Variants in EARS2 observed in about 807,000 individuals in gnomAD.
The protein encoded by EARS2 is glutamyl-tRNA synthetase 2, mitochondrial, also known as nondiscriminating glutamyl-tRNA synthetase EARS2, mitochondrial.
Under a neutral mutation model 54.1 loss-of-function variants are expected in EARS2, and 50 were observed. The ratio of observed to expected loss-of-function variants is 0.92; its 90% CI spans 0.74 to 1.17. The LOEUF is 1.17. Ranked by LOEUF, EARS2 falls within the 50% of genes most tolerant of loss-of-function variation. The pLI is 0.00. For missense variants in EARS2, 673 were observed against 675.0 expected (o/e 1.00, Z 0.03); for synonymous variants, 298 against 281.0 (o/e 1.06, Z -0.61).
rs1965710226 is a variant in EARS2 at position 23,552,296 on chromosome 16, G to A, written c.148C>T (p.His50Tyr). ...AAGGCAGTGCGGAGGCCACCCAGGT[G>A]CAAGAAGCCTGGAGAAGAGAACAGC... ...RFAPSPTGFL[H>Y]LGGLRTALYN... The change falls in exon 2 of 9, where the codon CAC becomes TAC. Residue 50 changes from histidine (H) to tyrosine (Y), a missense_variant. Physicochemically the swap from His to Tyr is moderately conservative, Grantham distance 83. This residue lies in a region of EARS2 where 316 missense variants were observed against 275.2 expected (regional missense o/e 1.15). Coordinates refer to ENST00000449606, the MANE Select transcript of EARS2 (RefSeq NM_001083614.2). 6.2e-7 allele frequency: 1 copy of A among 1,614,140 alleles called. No individual in the cohort carries two copies. The highest frequency in any genetic ancestry group is 8.5e-7 in the Non-Finnish European group (1 of 1,179,984).
Position 23,552,066 on chromosome 16 carries a change from G to T in EARS2, c.295+83C>A. ...CCAGGAACTCCCCATTTTCCACTCA[G>T]AACTCCATGAGAAGACCCACAGGCT... On this transcript the variant is annotated intron_variant, in intron 2 of 8. Transcript: ENST00000449606. 7 of 1,528,244 alleles carry T rather than the reference G, an allele frequency of 4.6e-6. 1 individual carries two copies. In the East Asian group the frequency reaches 6.8e-5, roughly 15 times the overall value. 94.7% of individuals were successfully genotyped at this position (1,528,244 alleles called of 1,614,324 possible).
chr16:23,535,542 A>G (rs1454496091), intron 3 of EARS2, 182 bp from the exon 4 acceptor site: 5 of 609,718 alleles, frequency 8.2e-6, no homozygotes, highest in Admixed American at 3.0e-5. Context: ...TGTAGCAGAC[A>G]CTAATGTCTG....
At chr16:23,545,668 CCTTT>C (rs1233314664) in intron 2 of EARS2, among the ~76,000 whole-genome samples, 1 of 152,128 alleles carries the variant, frequency 6.6e-6, no homozygotes, top group Admixed American at 6.6e-5. Context: ...TGTTACTTAG[CCTTT>C]CTTTTTCTAA....
intron 5 of EARS2, 36 bp downstream of exon 5, chr16:23,532,621 C>G: frequency 6.5e-7 from 1 of 1,542,482 alleles, no homozygotes; most frequent in South Asian, 1.1e-5. Context: ...CAAGAAAGCC[C>G]TTTGCCACCA....
intron 1 of EARS2, among the ~76,000 whole-genome samples, chr16:23,554,638 G>T (rs1368259380): frequency 6.6e-6 from 1 of 152,184 alleles, no homozygotes; most frequent in East Asian, 1.9e-4. Context: ...GATAGTTACT[G>T]CAAGGACACC....
At chr16:23,549,158 A>G (rs1266852104) in intron 2 of EARS2, among the ~76,000 whole-genome samples, 1 of 152,158 alleles carries the variant, frequency 6.6e-6, no homozygotes, top group Non-Finnish European at 1.5e-5. Flanking sequence ...GCTCCCACTC[A>G]CCAAGCTACA....
At chr16:23,533,762 A>G (rs978901307) in intron 4 of EARS2, among the ~76,000 whole-genome samples, 1 of 152,052 alleles carries the variant, frequency 6.6e-6, no homozygotes, top group Non-Finnish European at 1.5e-5. Context: ...CACGATCAAG[A>G]GTTAAGAACC....
chr16:23,556,810 G>A, intron 1 of EARS2: 1 of 461,952 alleles, frequency 2.2e-6, no homozygotes, highest in East Asian at 6.3e-5. Context: ...TGGCACATGT[G>A]ACTCTAAAAT....
rs1489595363 is a variant in EARS2 at position 23,525,466 on chromosome 16, T to C, written c.1353-87A>G. 3 of 1,413,152 alleles carry C rather than the reference T, an allele frequency of 2.1e-6. No individual in the cohort carries two copies. In the East Asian group the frequency reaches 6.9e-5, roughly 32 times the overall value. The allele number at this position is 1,413,152 out of a possible 1,614,324, so 87.5% of individuals were successfully genotyped here. ...GGGCTTCAGAAGGTTATTGATCAGC[T>C]ACAGTACGAGCAGCACAACCAATGT... On this transcript the variant is annotated intron_variant, in intron 7 of 8. Coordinates refer to ENST00000449606, the MANE Select transcript of EARS2 (RefSeq NM_001083614.2).
chr16:23,525,530 AC>A, intron 7 of EARS2, 151 bp from the exon 8 acceptor site: 1 of 905,592 alleles, frequency 1.1e-6, no homozygotes, highest in Non-Finnish European at 1.6e-6. Flanking sequence ...GATATTGACC[AC>A]TTTCTCCCTT....
intron 3 of EARS2, among the ~76,000 whole-genome samples, chr16:23,540,590 T>C (rs1430480222): frequency 2.0e-5 from 3 of 152,242 alleles, no homozygotes; most frequent in Non-Finnish European, 4.4e-5. Context: ...AAATGACATA[T>C]GTCAACATTA....
At chr16:23,543,393 C>G (rs1163402875) in intron 3 of EARS2, among the ~76,000 whole-genome samples, 3 of 146,334 alleles carry the variant, frequency 2.1e-5, no homozygotes, top group African/African-American at 7.6e-5. Context: ...GCCTGGGTGA[C>G]AAAGTAAGAC....
intron 3 of EARS2, 31 bp downstream of exon 3, chr16:23,544,483 T>A: frequency 6.2e-7 from 1 of 1,600,496 alleles, no homozygotes; most frequent in Non-Finnish European, 8.5e-7. Flanking sequence ...CCAATGTTGA[T>A]GAGGCATCTG....
chr16:23,541,411 G>A (rs1965509307), intron 3 of EARS2, among the ~76,000 whole-genome samples: 1 of 152,134 alleles, frequency 6.6e-6, no homozygotes, highest in East Asian at 1.9e-4. Flanking sequence ...AGTAAATGAA[G>A]TTATATCCAC....
chr16:23,530,703 C>CA (rs1205953265), intron 5 of EARS2, among the ~76,000 whole-genome samples: 1 of 151,754 alleles, frequency 6.6e-6, no homozygotes, highest in Non-Finnish European at 1.5e-5. Context: ...GCCATCTCTA[C>CA]AAAAAAAATT....
chr16:23,525,288 T>C lies in EARS2; in HGVS notation c.1444A>G (p.Ser482Gly), dbSNP rs1965206665. ...ATCCGAAGGAGTTTCATCACATTAC[T>C]GTACTTGGTGCCTTCCAGACCTTCT... ...LSEGLEGTKY[S>G]NVMKLLRMAL... The change falls in exon 8 of 9, where the codon AGT becomes GGT. Residue 482 changes from serine (S) to glycine (G), a missense_variant. Transcript: ENST00000449606. 2.5e-6 allele frequency: 4 copies of C among 1,614,174 alleles called. No homozygotes were observed. The South Asian group carries it at 3.3e-5, about 13-fold the overall frequency.
intron 2 of EARS2, among the ~76,000 whole-genome samples, chr16:23,545,496 C>T (rs2142186281): frequency 6.6e-6 from 1 of 152,248 alleles, no homozygotes; most frequent in African/African-American, 2.4e-5. Flanking sequence ...AGCCTCAAAC[C>T]CACCCTACCA....
intron 5 of EARS2, among the ~76,000 whole-genome samples, chr16:23,531,123 C>T (rs1436280526): frequency 6.6e-6 from 1 of 150,592 alleles, no homozygotes; most frequent in Non-Finnish European, 1.5e-5. Flanking sequence ...GATCTCGACT[C>T]CTGACTCAGG....
chr16:23,545,607 C>T lies in EARS2; in HGVS notation c.296-904G>A, dbSNP rs565749998. 9.9e-4 allele frequency among the ~76,000 whole-genome samples: 151 copies of T among 152,320 alleles called. 1 individual carries two copies. The highest frequency in any genetic ancestry group is 3.5e-3 in the African/African-American group (147 of 41,584). On this transcript the variant is annotated intron_variant, in intron 2 of 8. Transcript: ENST00000449606. The stretch of plus-strand genomic sequence containing the variant: ...GGGCACGATCAGCTTCAAACCCAGA[C>T]TAATGGGCACCGGAGCCGATATTCT...
Sources: allele counts gnomAD v4.1 joint callset (sites outside exome capture counted in the v4.1 genomes callset), GRCh38; gene constraint gnomAD v4.1.1; regional missense constraint gnomAD v4.1.1; transcripts MANE v1.5; gene names NCBI Gene and HGNC (gene_info 2026-07-23, HGNC 2026-07-21).